Variants in ERO1A observed in about 807,000 individuals in gnomAD.
ERO1A encodes ERO1-like protein alpha.
Under a neutral mutation model 76.9 loss-of-function variants are expected in ERO1A, and 49 were observed. The observed-to-expected ratio is 0.64, with a 90% CI of 0.51 to 0.81. The LOEUF (loss-of-function observed/expected upper bound fraction) is 0.81. Ranked by LOEUF, ERO1A falls within the 30% of genes least tolerant of loss-of-function variation. The pLI, the probability that ERO1A is intolerant of heterozygous loss-of-function variation, is 0.00. For synonymous variants in ERO1A, 174 were observed against 181.2 expected (o/e 0.96, Z 0.32); for missense variants, 448 against 542.1 (o/e 0.83, Z 1.72).
chr14:52,647,870 T>C (rs1372401576), intron 13 of ERO1A, among the ~76,000 whole-genome samples: 1 of 152,064 alleles, frequency 6.6e-6, no homozygotes, highest in East Asian at 1.9e-4. Flanking sequence ...CACACAGTAT[T>C]TCTCTTATTC....
chr14:52,695,297 C>T (rs146872882), intron 1 of ERO1A, 71 bp downstream of exon 1: 17,988 of 1,062,782 alleles, frequency 0.017, 182 homozygotes, highest in Non-Finnish European at 0.02. Context: ...CGCTCACCCG[C>T]CAGGGCGTGC....
intron 12 of ERO1A, among the ~76,000 whole-genome samples, 199 bp downstream of exon 12, chr14:52,652,870 C>T (rs2039918261): frequency 1.3e-5 from 2 of 151,814 alleles, no homozygotes; most frequent in African/African-American, 4.8e-5. Flanking sequence ...TGGTGGTTTG[C>T]ACATATAGTC....
At chr14:52,678,671 A>C (rs182356365) in intron 3 of ERO1A, among the ~76,000 whole-genome samples, 199 bp from the exon 4 acceptor site, 11 of 152,368 alleles carry the variant, frequency 7.2e-5, no homozygotes, top group Admixed American at 7.2e-4. Flanking sequence ...ATTGCTGAGC[A>C]TACATTATGT....
At chr14:52,687,316 G>A (rs1354178900) in intron 1 of ERO1A, among the ~76,000 whole-genome samples, 10 of 152,140 alleles carry the variant, frequency 6.6e-5, no homozygotes, top group African/African-American at 2.4e-4. Context: ...TGCAGTCCCC[G>A]CTGCTTAGGA....
chr14:52,650,322 T>C (rs2039812919), intron 13 of ERO1A, among the ~76,000 whole-genome samples: 1 of 149,984 alleles, frequency 6.7e-6, no homozygotes, highest in South Asian at 2.3e-4. Flanking sequence ...CTATATCTAG[T>C]ATCTTTATTA....
At chr14:52,645,304 T>TC in intron 15 of ERO1A, among the ~76,000 whole-genome samples, 1 of 72,938 alleles carries the variant, frequency 1.4e-5, no homozygotes, top group Non-Finnish European at 3.0e-5. Context: ...TATACACACT[T>TC]TTTTTTTTTT....
intron 6 of ERO1A, among the ~76,000 whole-genome samples, chr14:52,671,085 A>T (rs1385621316): frequency 6.6e-6 from 1 of 152,218 alleles, no homozygotes; most frequent in African/African-American, 2.4e-5. Flanking sequence ...CATATAAGTG[A>T]AATCATTTAT....
chr14:52,648,533 G>A (rs1272149000), intron 13 of ERO1A, among the ~76,000 whole-genome samples: 2 of 152,104 alleles, frequency 1.3e-5, no homozygotes, highest in Admixed American at 6.5e-5. Flanking sequence ...GGATAGAAAT[G>A]TTATGATCAA....
rs74973304 is a variant in ERO1A at position 52,645,722 on chromosome 14, T to A, written c.1346+432A>T. On this transcript the variant is annotated intron_variant, in intron 15 of 15. Coordinates refer to ENST00000395686, the MANE Select transcript of ERO1A (RefSeq NM_014584.3). ...ATGATTTCTTCAAAAAAAATATTCC[T>A]GGCTGGGCACAGTGGCTCACGCCTG... 4.3e-3 allele frequency among the ~76,000 whole-genome samples: 648 copies of A among 151,970 alleles called. 10 individuals are homozygous for A. Among genetic ancestry groups the A allele is most frequent in the Admixed American group, 0.035 (536 of 15,264 alleles).
chr14:52,666,622 A>C, intron 6 of ERO1A, 127 bp from the exon 7 acceptor site: 1 of 895,272 alleles, frequency 1.1e-6, no homozygotes, highest in Non-Finnish European at 1.6e-6. Flanking sequence ...ATTTTAAAAC[A>C]ACTTTTCAGG....
chr14:52,659,432 C>A (rs2040158984), intron 9 of ERO1A, among the ~76,000 whole-genome samples: 2 of 152,090 alleles, frequency 1.3e-5, no homozygotes, highest in Admixed American at 6.5e-5. Flanking sequence ...AGAAGCGTAT[C>A]TGGTAGTAAC....
intron 3 of ERO1A, among the ~76,000 whole-genome samples, chr14:52,680,087 A>C (rs1185185931): frequency 1.2e-4 from 14 of 119,904 alleles, no homozygotes; most frequent in South Asian, 3.2e-4. Flanking sequence ...ACAAACAAAA[A>C]AAAAAAAAAA....
intron 15 of ERO1A, among the ~76,000 whole-genome samples, chr14:52,644,962 A>AT (rs2039595747): frequency 6.6e-6 from 1 of 152,180 alleles, no homozygotes; most frequent in South Asian, 2.1e-4. Context: ...AAAAATGTTA[A>AT]TTTTTATAAA....
At chr14:52,692,857 T>C (rs914896450) in intron 1 of ERO1A, among the ~76,000 whole-genome samples, 1 of 152,016 alleles carries the variant, frequency 6.6e-6, no homozygotes, top group African/African-American at 2.4e-5. Flanking sequence ...TGTCTGTCTA[T>C]ATGCTTGCCT....
intron 1 of ERO1A, among the ~76,000 whole-genome samples, chr14:52,690,372 T>C (rs566517881): frequency 6.6e-6 from 1 of 152,338 alleles, no homozygotes; most frequent in East Asian, 1.9e-4. Context: ...ACCATCTGTC[T>C]GACAAGATGT....
intron 4 of ERO1A, among the ~76,000 whole-genome samples, chr14:52,677,085 G>T (rs1000968784): frequency 6.6e-6 from 1 of 151,996 alleles, no homozygotes; most frequent in Non-Finnish European, 1.5e-5. Flanking sequence ...AGGGGCTTTG[G>T]CCTTTTCTCA....
At chr14:52,665,791 T>C (rs1447536833) in intron 7 of ERO1A, among the ~76,000 whole-genome samples, 1 of 152,130 alleles carries the variant, frequency 6.6e-6, no homozygotes, top group Non-Finnish European at 1.5e-5. Flanking sequence ...ACTGAACAAA[T>C]CATTTAACCT....
chr14:52,663,757 TC>T (rs756938079), intron 8 of ERO1A, 43 bp downstream of exon 8: 22 of 1,205,144 alleles, frequency 1.8e-5, no homozygotes, highest in African/African-American at 4.5e-5. Flanking sequence ...GAATTAAAGT[TC>T]CCTGGCTGAG....
intron 1 of ERO1A, among the ~76,000 whole-genome samples, chr14:52,684,150 C>CACACACACACAT (rs879218530): frequency 7.2e-6 from 1 of 139,390 alleles, no homozygotes; most frequent in African/African-American, 2.6e-5. Flanking sequence ...CACACACACA[C>CACACACACACAT]AGAGAGAGTT....
Sources: allele counts gnomAD v4.1 joint callset (sites outside exome capture counted in the v4.1 genomes callset), GRCh38; gene constraint gnomAD v4.1.1; transcripts MANE v1.5; gene names NCBI Gene and HGNC (gene_info 2026-07-23, HGNC 2026-07-21).